UBFD1: variants seen among roughly 807,000 people sequenced by gnomAD.
UBFD1 encodes ubiquitin family domain containing 1.
UBFD1 carries 12 observed loss-of-function variants against 35.1 expected under a neutral mutation model. That is an observed-to-expected ratio of 0.34 (90% CI 0.22 to 0.55). UBFD1 has a LOEUF of 0.55. Among genes scored for constraint, UBFD1 ranks in the 20% least tolerant of loss-of-function variants. UBFD1 has a pLI of 0.89. For synonymous variants in UBFD1, 178 were observed against 167.6 expected, an observed-to-expected ratio of 1.06 and a Z score of -0.48; for missense variants, 337 against 410.8, an observed-to-expected ratio of 0.82 and a Z score of 1.55.
Position 23,558,031 on chromosome 16 carries a change from C to T in UBFD1, c.107C>T (p.Ala36Val), listed in dbSNP as rs777799222. 7.4e-7 allele frequency: 1 copy of T among 1,351,764 alleles called. No homozygotes were observed. Among genetic ancestry groups the T allele is most frequent in the East Asian group, 3.0e-5 (1 of 33,574 alleles). The allele number at this position is 1,351,764 out of a possible 1,614,324, so 83.7% of individuals were successfully genotyped here. The part of the protein sequence containing the change: ...APARPVNCLE[A>V]EAAAGAAAED... Reference sequence around the variant, plus strand: ...GCGCGGCCCGTCAACTGCCTGGAGGCTGAAGCCGCGGCGGGGGCGGCGGCC... The same window carrying T: ...GCGCGGCCCGTCAACTGCCTGGAGGTTGAAGCCGCGGCGGGGGCGGCGGCC... The change falls in exon 2 of 7, where the codon GCT becomes GTT. Residue 36 changes from alanine (A) to valine (V), a missense_variant. Physicochemically the swap from Ala to Val is moderately conservative, Grantham distance 64. This residue lies in a region of UBFD1 where 198 missense variants were observed against 168.4 expected (regional missense o/e 1.18). Coordinates refer to ENST00000395878, the MANE Select transcript of UBFD1 (RefSeq NM_019116.3).
chr16:23,567,822 C>G (rs1966031629), intron 6 of UBFD1, among the ~76,000 whole-genome samples: 1 of 152,274 alleles, frequency 6.6e-6, no homozygotes, highest in Admixed American at 6.5e-5. Context: ...CATTGTTCAT[C>G]CAAGGAGGCA....
Position 23,557,999 on chromosome 16 carries a change from G to A in UBFD1, c.75G>A (p.Glu25=). 1 of 1,367,182 alleles carries A rather than the reference G, an allele frequency of 7.3e-7. No homozygotes were observed. The highest frequency in any genetic ancestry group is 2.3e-5 in the South Asian group (1 of 43,544). 84.7% of individuals were successfully genotyped at this position (1,367,182 alleles called of 1,614,324 possible). ...MDTEAETVAT[E]APARPVNCLE... is the part of the protein sequence containing the mutation. ...CGGAGGCCGAGACTGTGGCTACTGA[G>A]GCTCCCGCGCGGCCCGTCAACTGCC... Residue 25 remains glutamate, a synonymous_variant, in exon 2 of 7, where the codon GAG becomes GAA. Transcript: ENST00000395878.
chr16:23,573,508 C>A lies in UBFD1; in HGVS notation c.*2918C>A, dbSNP rs1567404227. The stretch of plus-strand genomic sequence containing the variant: ...ACAGACAGACTCGCGAGTTGCTGGA[C>A]CTCTTTGGTATTAAGTGTTTGAATC... On this transcript the variant is annotated 3_prime_UTR_variant, in exon 7 of 7. Coordinates refer to ENST00000395878, the MANE Select transcript of UBFD1 (RefSeq NM_019116.3). 2.0e-5 allele frequency: 3 copies of A among 152,496 alleles called. No homozygotes were observed. The highest frequency in any genetic ancestry group is 4.4e-5 in the Non-Finnish European group (3 of 68,046). 9.4% of individuals were successfully genotyped at this position (152,496 alleles called of 1,614,324 possible).
intron 6 of UBFD1, chr16:23,569,611 T>C (rs1404049735): frequency 6.6e-6 from 1 of 152,188 alleles, no homozygotes; most frequent in Non-Finnish European, 1.5e-5. Flanking sequence ...CAAACCCATA[T>C]ATCCATCACT....
chr16:23,559,607 A>G lies in UBFD1; in HGVS notation c.495A>G (p.Thr165=). Residue 165 remains threonine (T), a synonymous_variant, in exon 3 of 7, where the codon ACA becomes ACG. Coordinates refer to ENST00000395878, the MANE Select transcript of UBFD1 (RefSeq NM_019116.3). The part of the protein sequence containing the change: ...STINDVLAVN[T]PKDAAQQDAK... ...TCAATGATGTTTTAGCAGTAAACAC[A>G]CCCAAAGATGCTGCGCAGCAGGATG... is the stretch of plus-strand genomic sequence containing the variant. The G allele has an allele frequency of 6.2e-7, 1 of 1,614,234 alleles. No individual in the cohort carries two copies. Among genetic ancestry groups the G allele is most frequent in the Non-Finnish European group, 8.5e-7 (1 of 1,180,046 alleles).
rs1053655210 is a variant in UBFD1 at position 23,561,651 on chromosome 16, G to A, written c.565-555G>A. On this transcript the variant is annotated intron_variant, in intron 3 of 6. Coordinates refer to ENST00000395878, the MANE Select transcript of UBFD1 (RefSeq NM_019116.3). ...GGGGAAAACTTCGGCGATGGGCTGG[G>A]TCTCCATTTGTTGAAGAACTGCTCC... 2.0e-5 allele frequency: 3 copies of A among 152,194 alleles called. No homozygotes were observed. In the East Asian group the frequency reaches 5.8e-4, roughly 29 times the overall value. 9.4% of individuals were successfully genotyped at this position (152,194 alleles called of 1,614,324 possible). A position where few individuals can be genotyped will look rare whatever the true frequency, so the allele number is the denominator to read the frequency against.
At chr16:23,560,345 T>G (rs530525838) in intron 3 of UBFD1, among the ~76,000 whole-genome samples, 1 of 152,354 alleles carries the variant, frequency 6.6e-6, no homozygotes, top group African/African-American at 2.4e-5. Flanking sequence ...GAACAGGTTG[T>G]AAGAATCATT....
rs571012667 is a variant in UBFD1 at position 23,573,557 on chromosome 16, C to T, written c.*2967C>T. On this transcript the variant is annotated 3_prime_UTR_variant, in exon 7 of 7. Coordinates refer to ENST00000395878, the MANE Select transcript of UBFD1 (RefSeq NM_019116.3). Reference sequence around the variant, plus strand: ...TCCATGGTGGGCCTTTTGCAAGTAGCGTTAGCTCTTTTTAAATGTTGAACT... The same window carrying T: ...TCCATGGTGGGCCTTTTGCAAGTAGTGTTAGCTCTTTTTAAATGTTGAACT... 2.6e-5 allele frequency: 4 copies of T among 152,748 alleles called. No individual in the cohort carries two copies. The highest frequency in any genetic ancestry group is 7.2e-5 in the African/African-American group (3 of 41,558). The allele number at this position is 152,748 out of a possible 1,614,324, so 9.5% of individuals were successfully genotyped here. A position where few individuals can be genotyped will look rare whatever the true frequency, so the allele number is the denominator to read the frequency against.
chr16:23,561,260 C>T (rs1307452906), intron 3 of UBFD1, among the ~76,000 whole-genome samples: 1 of 152,200 alleles, frequency 6.6e-6, no homozygotes, highest in East Asian at 1.9e-4. Flanking sequence ...GTTTATTCCT[C>T]CCAGAGGGAT....
chr16:23,558,839 G>T (rs1965876528), intron 2 of UBFD1, among the ~76,000 whole-genome samples: 1 of 147,042 alleles, frequency 6.8e-6, no homozygotes, highest in South Asian at 2.1e-4. Flanking sequence ...GGAGTGTACT[G>T]GCACCATCTT....
chr16:23,570,205 G>C (rs1966064608), intron 6 of UBFD1, among the ~76,000 whole-genome samples: 2 of 152,166 alleles, frequency 1.3e-5, no homozygotes, highest in African/African-American at 4.8e-5. Context: ...AAACTTCACA[G>C]GGTTGGAGCC....
chr16:23,568,852 A>C (rs562937046), intron 6 of UBFD1: 25 of 152,228 alleles, frequency 1.6e-4, no homozygotes, highest in African/African-American at 5.8e-4. Context: ...CAAAACAAAA[A>C]AAAACAGTTG....
chr16:23,559,784 A>G (rs762369001), intron 3 of UBFD1, 108 bp downstream of exon 3: 94 of 1,555,786 alleles, frequency 6.0e-5, no homozygotes, highest in Non-Finnish European at 7.6e-5. Flanking sequence ...GACAGGGCCC[A>G]TGATGGAAAT....
intron 3 of UBFD1, among the ~76,000 whole-genome samples, chr16:23,560,172 A>G (rs1351993353): frequency 6.6e-6 from 1 of 151,962 alleles, no homozygotes; most frequent in Non-Finnish European, 1.5e-5. Flanking sequence ...ACACTGATGG[A>G]TTTGTTTATT....
chr16:23,566,818 A>T, intron 5 of UBFD1, 169 bp from the exon 6 acceptor site: 3 of 612,516 alleles, frequency 4.9e-6, no homozygotes, highest in South Asian at 2.1e-5. Flanking sequence ...ACGAAGCCCT[A>T]TGTGCACTGG....
At chr16:23,564,684 T>C (rs927312186) in intron 5 of UBFD1, 68 of 152,364 alleles carry the variant, frequency 4.5e-4, no homozygotes, top group African/African-American at 1.6e-3. Flanking sequence ...GGAAAGACCC[T>C]GCCATGAAGA....
Position 23,572,536 on chromosome 16 carries a change from G to A in UBFD1, c.*1946G>A, listed in dbSNP as rs1285917201. ...ACCTACTTTTGATCTCTCAGAGCAG[G>A]TGGCTCCATCCCCAGACTAGCCTGG... On this transcript the variant is annotated 3_prime_UTR_variant, in exon 7 of 7. Coordinates refer to ENST00000395878, the MANE Select transcript of UBFD1 (RefSeq NM_019116.3). The A allele has an allele frequency of 2.0e-5, 3 of 153,242 alleles. No individual in the cohort carries two copies. The highest frequency in any genetic ancestry group is 4.4e-5 in the Non-Finnish European group (3 of 68,058). The allele number at this position is 153,242 out of a possible 1,614,324, so 9.5% of individuals were successfully genotyped here. A position where few individuals can be genotyped will look rare whatever the true frequency, so the allele number is the denominator to read the frequency against.
At chr16:23,557,821 C>T (rs1349249868) in intron 1 of UBFD1, 54 bp downstream of exon 1, 18 of 1,278,174 alleles carry the variant, frequency 1.4e-5, no homozygotes, top group East Asian at 3.1e-5. Flanking sequence ...TGCGGTCGCT[C>T]CTCTGGGGGA....
chr16:23,566,901 C>G, intron 5 of UBFD1, 86 bp from the exon 6 acceptor site: 1 of 1,318,506 alleles, frequency 7.6e-7, no homozygotes, highest in Non-Finnish European at 1.1e-6. Context: ...ATCCCGCAGC[C>G]ACCAGCCCTG....
Sources: gnomAD v4.1 joint callset for allele counts (sites outside exome capture counted in the v4.1 genomes callset) on GRCh38, gnomAD v4.1.1 for gene constraint, gnomAD v4.1.1 regional missense constraint, MANE v1.5 for transcripts, NCBI Gene and HGNC (gene_info 2026-07-23, HGNC 2026-07-21) for gene names.